FANCC: variants seen among roughly 807,000 people sequenced by gnomAD.
FANCC encodes the protein Fanconi anemia group C protein.
Under a neutral mutation model 71.3 loss-of-function variants are expected in FANCC, and 55 were observed. The observed-to-expected ratio is 0.77, with a 90% CI of 0.62 to 0.97. FANCC has a LOEUF of 0.97. Among genes scored for constraint, FANCC ranks in the 50% least tolerant of loss-of-function variants. FANCC has a pLI of 0.00. For synonymous variants in FANCC, 275 were observed against 244.9 expected, an observed-to-expected ratio of 1.12 and a Z score of -1.15; for missense variants, 678 against 670.9, an observed-to-expected ratio of 1.01 and a Z score of -0.12.
chr9:95,315,206 C>G (rs1254314021), intron 1 of FANCC, among the ~76,000 whole-genome samples: 2 of 152,214 alleles, frequency 1.3e-5, no homozygotes, highest in African/African-American at 2.4e-5. Context: ...CAGTCCAACT[C>G]TGGTGGCCAA....
intron 6 of FANCC, among the ~76,000 whole-genome samples, chr9:95,165,331 A>C (rs1318102667): frequency 6.6e-6 from 1 of 151,102 alleles, no homozygotes; most frequent in Non-Finnish European, 1.5e-5. Flanking sequence ...TTGAGGTGTA[A>C]AGTTAGGTTT....
Position 95,100,723 on chromosome 9 carries a change from C to T in FANCC, c.*984G>A, listed in dbSNP as rs3780559. 1.0e-3 allele frequency: 233 copies of T among 227,194 alleles called. 4 individuals are homozygous for T. The East Asian group carries it at 0.014, about 14-fold the overall frequency. The allele number at this position is 227,194 out of a possible 1,614,324, so 14.1% of individuals were successfully genotyped here. A position where few individuals can be genotyped will look rare whatever the true frequency, so the allele number is the denominator to read the frequency against. ...TCGGCTCACTACAACTCCCACCTCCCGGGTTCAAGAGATCCTCATGCCTCA... is the reference window on the plus strand; with the variant it reads ...TCGGCTCACTACAACTCCCACCTCCTGGGTTCAAGAGATCCTCATGCCTCA... On this transcript the variant is annotated 3_prime_UTR_variant, in exon 15 of 15. Transcript: ENST00000289081.
At chr9:95,214,600 C>A (rs967999071) in intron 4 of FANCC, among the ~76,000 whole-genome samples, 1 of 152,170 alleles carries the variant, frequency 6.6e-6, no homozygotes, top group African/African-American at 2.4e-5. Context: ...GTAGAGGCAA[C>A]CCAAGTGTCC....
chr9:95,105,266 C>A (rs2071356896), intron 14 of FANCC, among the ~76,000 whole-genome samples: 1 of 152,160 alleles, frequency 6.6e-6, no homozygotes, highest in South Asian at 2.1e-4. Context: ...GTTACGGGGA[C>A]TTTCTGTACA....
rs547477800 is a variant in FANCC, at chr9:95,189,138, A to G, written c.346-16991T>C. On this transcript the variant is annotated intron_variant, in intron 4 of 14. Coordinates refer to ENST00000289081, the MANE Select transcript of FANCC (RefSeq NM_000136.3). ...GCAGTTTTACATCCACAGCCAAAAC[A>G]AATTACTGCAGACACATTTCTGTAG... Among the ~76,000 whole-genome samples the G allele has an allele frequency of 1.8e-4, 28 of 152,328 alleles. 1 individual carries two copies. The South Asian group carries it at 5.8e-3, about 32-fold the overall frequency.
At chr9:95,215,614 T>G (rs1244382234) in intron 4 of FANCC, among the ~76,000 whole-genome samples, 1 of 152,160 alleles carries the variant, frequency 6.6e-6, no homozygotes, top group Non-Finnish European at 1.5e-5. Flanking sequence ...ACTCTGTGAT[T>G]TCTGAGGATA....
rs1356632872 is a variant in FANCC at position 95,101,860 on chromosome 9, G to A, written c.1534-10C>T. The A allele has an allele frequency of 2.5e-6, 4 of 1,613,718 alleles. No homozygotes were observed. The East Asian group carries it at 8.9e-5, about 36-fold the overall frequency. On this transcript the variant is annotated splice_polypyrimidine_tract_variant and intron_variant, in intron 14 of 14. Coordinates refer to ENST00000289081, the MANE Select transcript of FANCC (RefSeq NM_000136.3). ...CAGCAGTGTGAGCCATCTGCAATCA[G>A]GACAGAAGAGAAGGCAAATTAAAAC...
chr9:95,152,561 ATTCT>A (rs1170616943), intron 6 of FANCC, among the ~76,000 whole-genome samples: 2 of 152,206 alleles, frequency 1.3e-5, no homozygotes, highest in Non-Finnish European at 2.9e-5. Flanking sequence ...GGGCCTGCAT[ATTCT>A]TTTTGTAAAA....
chr9:95,185,708 C>G (rs374327298), intron 4 of FANCC, among the ~76,000 whole-genome samples: 61 of 152,346 alleles, frequency 4.0e-4, no homozygotes, highest in African/African-American at 1.4e-3. Context: ...ATGATTTCCA[C>G]TTTCACAGAA....
rs934145124 is a variant in FANCC, at chr9:95,106,997, G to A, written c.1533+69C>T. On this transcript the variant is annotated intron_variant, in intron 14 of 14. Transcript: ENST00000289081. ...CACACTGTGCAGAGGCCAGACCCTC[G>A]GACAGGTAACCCACCTCTCGCCTGG... 2.9e-5 allele frequency: 44 copies of A among 1,495,412 alleles called. 1 individual carries two copies. The Middle Eastern group carries it at 1.2e-3, about 42-fold the overall frequency. The allele number at this position is 1,495,412 out of a possible 1,614,324, so 92.6% of individuals were successfully genotyped here.
intron 1 of FANCC, among the ~76,000 whole-genome samples, chr9:95,307,946 C>G (rs1039654626): frequency 6.6e-6 from 1 of 152,214 alleles, no homozygotes; most frequent in African/African-American, 2.4e-5. Context: ...GGGGTCACAT[C>G]GCAATGGAAG....
intron 1 of FANCC, among the ~76,000 whole-genome samples, chr9:95,281,763 T>G (rs572311699): frequency 4.6e-4 from 70 of 152,204 alleles, no homozygotes; most frequent in African/African-American, 1.6e-3. Context: ...AGATATAAAT[T>G]TTGACACCAA....
At chr9:95,171,197 A>C in intron 5 of FANCC, 54 bp from the exon 6 acceptor site, 1 of 1,365,764 alleles carries the variant, frequency 7.3e-7, no homozygotes, top group South Asian at 1.2e-5. Flanking sequence ...GGATTACATC[A>C]GTTCTATTTT....
At chr9:95,290,106 T>C (rs1833917406) in intron 1 of FANCC, among the ~76,000 whole-genome samples, 2 of 152,216 alleles carry the variant, frequency 1.3e-5, no homozygotes. Flanking sequence ...TTCTACCTCC[T>C]GAGTAGGCAC....
At chr9:95,119,198 T>C (rs2072671209) in intron 10 of FANCC, among the ~76,000 whole-genome samples, 1 of 152,250 alleles carries the variant, frequency 6.6e-6, no homozygotes, top group Non-Finnish European at 1.5e-5. Context: ...TGTATCTTTT[T>C]TGAAAGTATA....
At chr9:95,271,468 AG>A (rs1346603136) in intron 1 of FANCC, among the ~76,000 whole-genome samples, 1 of 152,148 alleles carries the variant, frequency 6.6e-6, no homozygotes, top group Non-Finnish European at 1.5e-5. Flanking sequence ...CAAAGATTGG[AG>A]GGATGCGGCC....
At chr9:95,117,129 G>A (rs1684701224) in intron 11 of FANCC, among the ~76,000 whole-genome samples, 186 bp downstream of exon 11, 2 of 152,146 alleles carry the variant, frequency 1.3e-5, no homozygotes, top group African/African-American at 2.4e-5. Flanking sequence ...ATCACAACTG[G>A]GAAGCCAAGC....
chr9:95,239,863 T>C (rs1830532343), intron 4 of FANCC, among the ~76,000 whole-genome samples: 1 of 152,128 alleles, frequency 6.6e-6, no homozygotes, highest in African/African-American at 2.4e-5. Flanking sequence ...ACTAATCTGG[T>C]TGGATGATTT....
chr9:95,317,209 C>G (rs1471072441), intron 1 of FANCC: 1 of 152,892 alleles, frequency 6.5e-6, no homozygotes, highest in Non-Finnish European at 1.5e-5. Flanking sequence ...ACCCGGCTCC[C>G]GCCTCTCCGG....
Sources: allele counts gnomAD v4.1 joint callset (sites outside exome capture counted in the v4.1 genomes callset), GRCh38; gene constraint gnomAD v4.1.1; transcripts MANE v1.5; gene names NCBI Gene and HGNC (gene_info 2026-07-23, HGNC 2026-07-21).